The following P2RX5 variants were observed in gnomAD, a reference collection of about 807,000 sequenced individuals.
P2RX5 encodes purinergic receptor P2X 5, also known as P2X purinoceptor 5.
Under a neutral mutation model 54.1 loss-of-function variants are expected in P2RX5, and 46 were observed. That is an observed-to-expected ratio of 0.85 (90% CI 0.67 to 1.09). P2RX5 has a LOEUF of 1.09. Ranked by LOEUF, P2RX5 falls within the 50% of genes least tolerant of loss-of-function variation. The pLI, the probability that P2RX5 is intolerant of heterozygous loss-of-function variation, is 0.00. For missense variants in P2RX5, 566 were observed against 549.8 expected (o/e 1.03, Z -0.29); for synonymous variants, 226 against 226.4 (o/e 1.00, Z 0.02).
the P2RX5 span, among the ~76,000 whole-genome samples, chr17:3,708,093 C>T: frequency 6.6e-6 from 1 of 151,168 alleles, no homozygotes; most frequent in African/African-American, 2.4e-5. Context: ...CCAGGAATCT[C>T]CTCCTCAGGG....
At chr17:3,713,033 G>A in the P2RX5 span, among the ~76,000 whole-genome samples, 16 of 22,556 alleles carry the variant, frequency 7.1e-4, no homozygotes, top group East Asian at 1.8e-3. Context: ...CTAAACAGTC[G>A]GGGGAAAAAA....
In P2RX5 at chr17:3,688,753, C is replaced by T. The variant is rs751030228; in HGVS notation, c.760G>A (p.Val254Met). ...TTCCATTCAATATTAATTCCTATCA[C>T]GCCACCCTTGATAAAAGAGAGATGA... ...DFQDIALEGG[V>M]IGINIEWNCD... Residue 254 changes from valine to methionine, a missense_variant, in exon 8 of 12, where the codon GTG becomes ATG. By Grantham distance (21) the Val-to-Met change is conservative. Transcript: ENST00000225328. The T allele has an allele frequency of 2.8e-5, 45 of 1,614,056 alleles. 1 individual carries two copies. The highest frequency in any genetic ancestry group is 1.7e-4 in the Middle Eastern group (1 of 6,060).
At chr17:3,677,756 A>G in intron 11 of P2RX5, 4 of 985,406 alleles carry the variant, frequency 4.1e-6, no homozygotes, top group Non-Finnish European at 4.8e-6. Context: ...ACATGTTTAC[A>G]GCTCATATGA....
At chr17:3,679,260 C>T (rs1021678172) in intron 11 of P2RX5, among the ~76,000 whole-genome samples, 5 of 152,162 alleles carry the variant, frequency 3.3e-5, no homozygotes, top group Non-Finnish European at 7.3e-5. Context: ...GATTCAGTTG[C>T]TTACATGAGT....
At chr17:3,685,552 A>G in intron 9 of P2RX5, 1 of 156,948 alleles carries the variant, frequency 6.4e-6, no homozygotes, top group South Asian at 1.7e-4. Flanking sequence ...CACGTTGATG[A>G]TGGTGGGAAT....
chr17:3,695,758 C>T (rs2050740795), intron 1 of P2RX5, 111 bp downstream of exon 1: 2 of 1,369,992 alleles, frequency 1.5e-6, no homozygotes, highest in African/African-American at 1.4e-5. Flanking sequence ...CCCCCAGCTA[C>T]CGGGAAAACC....
chr17:3,713,411 ACCC>A, the P2RX5 span, among the ~76,000 whole-genome samples: 1 of 152,014 alleles, frequency 6.6e-6, no homozygotes, highest in African/African-American at 2.4e-5. Context: ...ATAAATTAAG[ACCC>A]CTTTGAAGAA....
intron 7 of P2RX5, among the ~76,000 whole-genome samples, chr17:3,689,120 T>C (rs893329960): frequency 6.6e-6 from 1 of 152,270 alleles, no homozygotes; most frequent in African/African-American, 2.4e-5. Flanking sequence ...TGGCTCTCAC[T>C]GACTGCCCGT....
chr17:3,684,238 T>C (rs1396689099), intron 9 of P2RX5, among the ~76,000 whole-genome samples: 1 of 152,210 alleles, frequency 6.6e-6, no homozygotes, highest in African/African-American at 2.4e-5. Context: ...CCAGCTGGGA[T>C]TTTGCTCCAT....
chr17:3,704,486 T>C, the P2RX5 span, among the ~76,000 whole-genome samples: 9 of 152,314 alleles, frequency 5.9e-5, 1 homozygote, highest in Middle Eastern at 0.02. Flanking sequence ...TCCACTTAAA[T>C]GGCAGATGCA....
the P2RX5 span, among the ~76,000 whole-genome samples, chr17:3,703,262 T>C: frequency 5.9e-5 from 9 of 152,132 alleles, no homozygotes; most frequent in Admixed American, 5.9e-4. Flanking sequence ...CCCAACACTT[T>C]GGGAGGCTGA....
chr17:3,702,140 A>G, the P2RX5 span, among the ~76,000 whole-genome samples: 34 of 151,604 alleles, frequency 2.2e-4, no homozygotes, highest in Non-Finnish European at 3.5e-4. Flanking sequence ...ACCAATCAGC[A>G]CTCTGTAAAA....
chr17:3,707,691 G>A, the P2RX5 span, among the ~76,000 whole-genome samples: 1 of 152,010 alleles, frequency 6.6e-6, no homozygotes, highest in African/African-American at 2.4e-5. Flanking sequence ...CATCCACAGA[G>A]ACCACACCTT....
intron 11 of P2RX5, among the ~76,000 whole-genome samples, chr17:3,679,090 G>A (rs979886885): frequency 6.6e-6 from 1 of 152,184 alleles, no homozygotes; most frequent in African/African-American, 2.4e-5. Flanking sequence ...AGAGACGTTC[G>A]GCAAAGGCAG....
At chr17:3,723,512 C>G in the P2RX5 span, 7 of 984,448 alleles carry the variant, frequency 7.1e-6, no homozygotes, top group East Asian at 1.5e-4. Context: ...GCGCTCACCT[C>G]GGCCCAAGCG....
intron 6 of P2RX5, among the ~76,000 whole-genome samples, 165 bp from the exon 7 acceptor site, chr17:3,689,795 TTCACATGCAGACATCACCCAC>T (rs1181371128): frequency 6.5e-4 from 99 of 152,342 alleles, no homozygotes; most frequent in African/African-American, 2.1e-3. Flanking sequence ...CCACCGTTTA[TTCACATGCAGACATCACCCAC>T]TCACATGCAG....
chr17:3,695,251 GCTC>G (rs2050724624), intron 1 of P2RX5, among the ~76,000 whole-genome samples: 1 of 152,204 alleles, frequency 6.6e-6, no homozygotes, highest in Non-Finnish European at 1.5e-5. Context: ...TGTGGCGCCA[GCTC>G]CTGCCAGGTG....
chr17:3,723,084 C>T, the P2RX5 span, among the ~76,000 whole-genome samples: 2 of 152,216 alleles, frequency 1.3e-5, no homozygotes, highest in Non-Finnish European at 2.9e-5. Context: ...CACAGGTAAT[C>T]CCTCGAGTTC....
chr17:3,699,245 A>G (rs948396072), upstream of P2RX5, among the ~76,000 whole-genome samples: 1 of 152,066 alleles, frequency 6.6e-6, no homozygotes, highest in Non-Finnish European at 1.5e-5. Flanking sequence ...AAAATAAAAA[A>G]TTAGCTGGAT....
Sources: gnomAD v4.1 joint callset for allele counts (sites outside exome capture counted in the v4.1 genomes callset) on GRCh38, gnomAD v4.1.1 for gene constraint, MANE v1.5 for transcripts, NCBI Gene and HGNC (gene_info 2026-07-23, HGNC 2026-07-21) for gene names.